The following COG6 variants were observed in gnomAD, a reference collection of about 807,000 sequenced individuals.
COG6 encodes conserved oligomeric Golgi complex subunit 6.
Under a neutral mutation model 88.8 loss-of-function variants are expected in COG6, and 74 were observed. The ratio of observed to expected loss-of-function variants is 0.83; its 90% CI spans 0.69 to 1.01. The LOEUF is 1.01. Among genes scored for constraint, COG6 ranks in the 50% least tolerant of loss-of-function variants. The pLI is 0.00. For synonymous variants in COG6, 286 were observed against 278.7 expected, an observed-to-expected ratio of 1.03 and a Z score of -0.26; for missense variants, 800 against 797.9, an observed-to-expected ratio of 1.00 and a Z score of -0.03.
At position 39,719,917 on chromosome 13, in the gene COG6, G is replaced by A. The variant is rs1878759334; in HGVS notation, c.1584+90G>A. ...AGTTATTGGCTTAACTAGTTTTAATGACCTAATTCCTATAGATCCCTTGAT... is the reference window on the plus strand; with the variant it reads ...AGTTATTGGCTTAACTAGTTTTAATAACCTAATTCCTATAGATCCCTTGAT... On this transcript the variant is annotated intron_variant, in intron 15 of 18. Transcript: ENST00000455146. 3.0e-6 allele frequency: 3 copies of A among 992,650 alleles called. No individual in the cohort carries two copies. The Admixed American group carries it at 5.7e-5, about 19-fold the overall frequency. 61.5% of individuals were successfully genotyped at this position (992,650 alleles called of 1,614,324 possible). A position where few individuals can be genotyped will look rare whatever the true frequency, so the allele number is the denominator to read the frequency against.
chr13:39,777,951 CTG>C (rs1214009610), intron 18 of COG6, among the ~76,000 whole-genome samples: 1 of 152,142 alleles, frequency 6.6e-6, no homozygotes, highest in Non-Finnish European at 1.5e-5. Flanking sequence ...AATATCCACT[CTG>C]TGCAAAGCCC....
intron 4 of COG6, among the ~76,000 whole-genome samples, chr13:39,670,157 T>C (rs1272105128): frequency 6.6e-6 from 1 of 152,182 alleles, no homozygotes; most frequent in Non-Finnish European, 1.5e-5. Flanking sequence ...TAAAGCTTAA[T>C]GTAGAATTTT....
rs373702041 is a variant in COG6, at chr13:39,697,884, A to G, written c.1167-1617A>G. ...AGTTATTTACCAGAACTCTGTGCCC[A>G]TGGCTATATTAGGAAGCCTGGGGAA... On this transcript the variant is annotated intron_variant, in intron 12 of 18. Transcript: ENST00000455146. Among the ~76,000 whole-genome samples the G allele has an allele frequency of 5.3e-5, 8 of 152,120 alleles. No individual in the cohort carries two copies. In the East Asian group the frequency reaches 1.4e-3, roughly 26 times the overall value.
chr13:39,704,452 A>G (rs1224802313), intron 13 of COG6, among the ~76,000 whole-genome samples: 1 of 152,208 alleles, frequency 6.6e-6, no homozygotes, highest in Non-Finnish European at 1.5e-5. Flanking sequence ...TAAGAAAATC[A>G]TAAGGGAGAG....
intron 8 of COG6, among the ~76,000 whole-genome samples, chr13:39,683,573 T>C (rs1876446016): frequency 6.6e-6 from 1 of 152,210 alleles, no homozygotes; most frequent in African/African-American, 2.4e-5. Context: ...TTACCATTGA[T>C]CAGCAGCTTA....
downstream of COG6, among the ~76,000 whole-genome samples, chr13:39,756,403 C>G (rs569043640): frequency 2.0e-5 from 3 of 151,726 alleles, no homozygotes; most frequent in Non-Finnish European, 4.4e-5. Flanking sequence ...TGTGGAGCAC[C>G]GTCAACAATA....
chr13:39,734,554 A>G (rs1272951127), intron 18 of COG6, among the ~76,000 whole-genome samples: 4 of 152,138 alleles, frequency 2.6e-5, no homozygotes, highest in African/African-American at 4.8e-5. Context: ...TATGTGCTGC[A>G]GAGAAAATGT....
exon 19 of COG6, chr13:39,788,638 G>A (rs1024767053): frequency 1.4e-5 from 6 of 430,390 alleles, no homozygotes; most frequent in Non-Finnish European, 2.1e-5. Context: ...TGTATGCAAA[G>A]CACTAAAATG....
chr13:39,758,670 T>C (rs1566042142), intron 18 of COG6, among the ~76,000 whole-genome samples: 1 of 152,136 alleles, frequency 6.6e-6, no homozygotes, highest in Non-Finnish European at 1.5e-5. Flanking sequence ...TGGAAAACAG[T>C]TTAACAAACA....
intron 10 of COG6, among the ~76,000 whole-genome samples, chr13:39,688,277 C>A (rs1173402857): frequency 6.6e-6 from 1 of 152,084 alleles, no homozygotes; most frequent in African/African-American, 2.4e-5. Flanking sequence ...AGACAATTAT[C>A]ATATCTGTTA....
At chr13:39,662,227 T>A (rs1874946163) in intron 3 of COG6, among the ~76,000 whole-genome samples, 1 of 150,280 alleles carries the variant, frequency 6.7e-6, no homozygotes, top group African/African-American at 2.5e-5. Context: ...CCTTCTGAGT[T>A]CAAACAATTC....
chr13:39,751,026 AT>A lies in COG6; in HGVS notation c.1908del (p.Asn636LysfsTer30). The A allele has an allele frequency of 6.2e-7, 1 of 1,613,738 alleles. No individual in the cohort carries two copies. Among genetic ancestry groups the A allele is most frequent in the Non-Finnish European group, 8.5e-7 (1 of 1,179,780 alleles). Reference protein sequence around the residue: ...EVYAAVMNPINEYKDPENILH... With the variant: ...EVYAAVMNPIXEYKDPENILH... ...TATGCAGCCGTGATGAATCCAATCA[AT>A]GAATACAAAGATCCAGAGAACATTC... On this transcript the variant is annotated frameshift_variant, in exon 19 of 19. Transcript: ENST00000455146. LOFTEE classifies it high-confidence loss of function.
rs1459290957 is a variant in COG6 at position 39,765,926 on chromosome 13, A to G, written c.1827-22409A>G. Among the ~76,000 whole-genome samples the G allele has an allele frequency of 2.0e-5, 3 of 152,352 alleles. No individual in the cohort carries two copies. In the East Asian group the frequency reaches 5.8e-4, roughly 29 times the overall value. ...AGCAATTAGGCCAAGTGCCAAAACC[A>G]TTAAGGCTCAAATGCCAAGTGCCTG... is the stretch of plus-strand genomic sequence containing the variant. On this transcript the variant is annotated intron_variant, in intron 18 of 18. Coordinates refer to the COG6 transcript ENST00000416691.
chr13:39,719,762 A>G lies in COG6; in HGVS notation c.1519A>G (p.Met507Val), dbSNP rs775643134. ...MATFMVNSLY[M>V]MKTTLALFEF... ...CACTTTCATGGTCAATTCACTATAT[A>G]TGATGAAGACAACATTAGCTCTATT... The change falls in exon 15 of 19, where the codon ATG (methionine) becomes GTG (valine). Residue 507 changes from methionine (M) to valine (V), a missense_variant. By Grantham distance (21) the Met-to-Val change is conservative. Transcript: ENST00000455146. 4.3e-6 allele frequency: 7 copies of G among 1,612,634 alleles called. No individual in the cohort carries two copies. In the South Asian group the frequency reaches 6.6e-5, roughly 15 times the overall value.
At chr13:39,690,176 T>C (rs969398024) in intron 11 of COG6, among the ~76,000 whole-genome samples, 1 of 152,028 alleles carries the variant, frequency 6.6e-6, no homozygotes, top group Non-Finnish European at 1.5e-5. Context: ...ACTTGATTGC[T>C]TCAAGCATAG....
rs9576887 is a variant in COG6, at chr13:39,693,009, T to C, written c.1075-1625T>C. On this transcript the variant is annotated intron_variant, in intron 11 of 18. Transcript: ENST00000455146. ...TTGACCTTTTTTTACTTTTTACTTTTCGTTTCTCTTGTCCTTTGTTGTTTC... is the reference window on the plus strand; with the variant it reads ...TTGACCTTTTTTTACTTTTTACTTTCCGTTTCTCTTGTCCTTTGTTGTTTC... 0.016 allele frequency among the ~76,000 whole-genome samples: 2,392 copies of C among 152,116 alleles called. 263 individuals carry two copies. The East Asian group carries it at 0.3, about 19-fold the overall frequency.
At chr13:39,788,317 G>A in intron 18 of COG6, 1 of 1,551,692 alleles carries the variant, frequency 6.4e-7, no homozygotes, top group Non-Finnish European at 8.7e-7. Flanking sequence ...GTCTTTGATT[G>A]TTGGCATTTG....
At chr13:39,720,541 T>C (rs1878797070) in intron 15 of COG6, among the ~76,000 whole-genome samples, 1 of 152,110 alleles carries the variant, frequency 6.6e-6, no homozygotes, top group Non-Finnish European at 1.5e-5. Context: ...TATTTTCTAA[T>C]TTTTAATTTT....
At chr13:39,710,836 G>GTTCT (rs200644331) in intron 13 of COG6, among the ~76,000 whole-genome samples, 2 of 22,936 alleles carry the variant, frequency 8.7e-5, no homozygotes, top group Non-Finnish European at 1.8e-4. Flanking sequence ...ACATTAGCTG[G>GTTCT]TTCTTTTCTT....
Sources: allele counts gnomAD v4.1 joint callset (sites outside exome capture counted in the v4.1 genomes callset), GRCh38; gene constraint gnomAD v4.1.1; transcripts MANE v1.5; gene names NCBI Gene and HGNC (gene_info 2026-07-23, HGNC 2026-07-21).